The following MEIS1 variants were observed in gnomAD, a reference collection of about 807,000 sequenced individuals.
MEIS1 encodes the protein Meis homeobox 1.
A neutral mutation model predicts 50.8 loss-of-function variants in MEIS1; 5 were observed. The observed-to-expected ratio is 0.10, with a 90% CI of 0.05 to 0.21. The LOEUF (loss-of-function observed/expected upper bound fraction) is 0.21. MEIS1 is among the 10% of genes least tolerant of loss of function. The pLI is 1.00. For missense variants in MEIS1, 318 were observed against 517.3 expected, an observed-to-expected ratio of 0.61 and a Z score of 3.74; for synonymous variants, 176 against 179.3, an observed-to-expected ratio of 0.98 and a Z score of 0.15.
chr2:66,493,723 C>T (rs1673329173), intron 7 of MEIS1, among the ~76,000 whole-genome samples: 1 of 152,166 alleles, frequency 6.6e-6, no homozygotes. Context: ...TTTTCCTGCA[C>T]ATTATGACTC....
chr2:66,468,742 G>A (rs967276707), intron 7 of MEIS1, among the ~76,000 whole-genome samples: 11 of 152,156 alleles, frequency 7.2e-5, no homozygotes, highest in Admixed American at 6.5e-4. Context: ...ACTGAACCTG[G>A]CGCTGTGCTC....
chr2:66,435,971 A>C (rs528657613), intron 1 of MEIS1, 103 bp downstream of exon 1: 13 of 1,044,168 alleles, frequency 1.2e-5, no homozygotes, highest in Admixed American at 3.4e-5. Context: ...CTCTCTTTTA[A>C]AAAATGAGGC....
chr2:66,451,969 G>A (rs1458723382), intron 6 of MEIS1, among the ~76,000 whole-genome samples: 1 of 151,770 alleles, frequency 6.6e-6, no homozygotes, highest in Non-Finnish European at 1.5e-5. Context: ...ACTCGTATAT[G>A]ACATTTTAAA....
chr2:66,445,687 A>T (rs902980402), intron 6 of MEIS1, among the ~76,000 whole-genome samples: 2 of 151,740 alleles, frequency 1.3e-5, no homozygotes, highest in African/African-American at 4.8e-5. Flanking sequence ...TTTTCCTCGG[A>T]GGGCGCGAAG....
At chr2:66,547,250 C>G (rs1406075295) in intron 8 of MEIS1, among the ~76,000 whole-genome samples, 4 of 152,152 alleles carry the variant, frequency 2.6e-5, no homozygotes, top group Non-Finnish European at 5.9e-5. Context: ...TCCTGTAATA[C>G]TTTTATCTAC....
chr2:66,512,799 C>G (rs2103854926), intron 8 of MEIS1, among the ~76,000 whole-genome samples: 1 of 152,260 alleles, frequency 6.6e-6, no homozygotes, highest in African/African-American at 2.4e-5. Flanking sequence ...TCATGTAAGT[C>G]AGAGCTCCAC....
At chr2:66,439,810 T>G in intron 2 of MEIS1, 33 bp from the exon 3 acceptor site, 1 of 1,610,156 alleles carries the variant, frequency 6.2e-7, no homozygotes, top group South Asian at 1.1e-5. Context: ...GACTAACCAT[T>G]ATGTTGTTTG....
chr2:66,517,895 G>A (rs1002357515), intron 8 of MEIS1, among the ~76,000 whole-genome samples: 1 of 152,124 alleles, frequency 6.6e-6, no homozygotes, highest in Non-Finnish European at 1.5e-5. Flanking sequence ...CTTAGGTCAG[G>A]TAAACTGAAA....
intron 7 of MEIS1, among the ~76,000 whole-genome samples, chr2:66,491,161 T>G (rs1487292000): frequency 1.3e-5 from 2 of 152,162 alleles, no homozygotes; most frequent in African/African-American, 2.4e-5. Flanking sequence ...CACTGCTGGG[T>G]ACTCTTGATG....
At chr2:66,497,977 C>T (rs762051046) in intron 7 of MEIS1, among the ~76,000 whole-genome samples, 1 of 151,552 alleles carries the variant, frequency 6.6e-6, no homozygotes, top group Non-Finnish European at 1.5e-5. Flanking sequence ...CTTTACAAGG[C>T]TTTTTTTGGG....
chr2:66,459,419 G>A (rs1323307146), intron 6 of MEIS1, among the ~76,000 whole-genome samples: 1 of 152,172 alleles, frequency 6.6e-6, no homozygotes, highest in Non-Finnish European at 1.5e-5. Flanking sequence ...GCAGTGAGGA[G>A]CAGTCCATTC....
At chr2:66,484,943 T>C (rs1558535383) in intron 7 of MEIS1, among the ~76,000 whole-genome samples, 1 of 152,188 alleles carries the variant, frequency 6.6e-6, no homozygotes, top group Non-Finnish European at 1.5e-5. Flanking sequence ...ATCCTCATAC[T>C]ACAGCCTAGG....
At chr2:66,488,635 G>A (rs1281814533) in intron 7 of MEIS1, among the ~76,000 whole-genome samples, 7 of 152,222 alleles carry the variant, frequency 4.6e-5, no homozygotes, top group African/African-American at 1.4e-4. Context: ...CCGAGATCGC[G>A]CCACTGCACT....
chr2:66,464,171 T>C lies in MEIS1; in HGVS notation c.693T>C (p.Pro231=), dbSNP rs757256651. 2 of 1,606,262 alleles carry C rather than the reference T, an allele frequency of 1.2e-6. No homozygotes were observed. The highest frequency in any genetic ancestry group is 1.7e-6 in the Non-Finnish European group (2 of 1,176,592). Reference sequence around the variant, plus strand: ...CTCGTTCAGGAGGAACCCCAGGCCCTTCCAGCGGTGGCCACACGTCACACA... The same window carrying C: ...CTCGTTCAGGAGGAACCCCAGGCCCCTCCAGCGGTGGCCACACGTCACACA... ...ASTRSGGTPG[P]SSGGHTSHSG... Residue 231 remains proline (P), a synonymous_variant, in exon 7 of 13, where the codon CCT becomes CCC. Coordinates refer to ENST00000272369, the MANE Select transcript of MEIS1 (RefSeq NM_002398.3).
At chr2:66,439,262 T>C (rs1057458) in intron 2 of MEIS1, 1 of 1,055,136 alleles carries the variant, frequency 9.5e-7, no homozygotes, top group Admixed American at 5.4e-5. Flanking sequence ...TGCGTGGAGC[T>C]GAGGAGGAGC....
chr2:66,469,364 C>G (rs560620543), intron 7 of MEIS1, among the ~76,000 whole-genome samples: 1 of 152,216 alleles, frequency 6.6e-6, no homozygotes, highest in East Asian at 1.9e-4. Context: ...GAAGGCAATT[C>G]CATTTATTAT....
At chr2:66,447,020 T>C (rs1362952184) in intron 6 of MEIS1, among the ~76,000 whole-genome samples, 1 of 152,196 alleles carries the variant, frequency 6.6e-6, no homozygotes, top group African/African-American at 2.4e-5. Flanking sequence ...CGGGGGAAAT[T>C]CTTGCAAGGG....
chr2:66,456,722 A>C (rs1033315354), intron 6 of MEIS1, among the ~76,000 whole-genome samples: 12 of 152,320 alleles, frequency 7.9e-5, no homozygotes, highest in Admixed American at 7.8e-4. Flanking sequence ...AAATGAGCAA[A>C]AGGAGAGTTG....
At chr2:66,495,544 G>A (rs1673380908) in intron 7 of MEIS1, among the ~76,000 whole-genome samples, 1 of 152,110 alleles carries the variant, frequency 6.6e-6, no homozygotes, top group Non-Finnish European at 1.5e-5. Context: ...AGAAACAAGG[G>A]GACAGTTGTG....
Sources: allele counts gnomAD v4.1 joint callset (sites outside exome capture counted in the v4.1 genomes callset), GRCh38; gene constraint gnomAD v4.1.1; transcripts MANE v1.5; gene names NCBI Gene and HGNC (gene_info 2026-07-23, HGNC 2026-07-21).